The following AP2M1 variants were observed in gnomAD, a reference collection of about 807,000 sequenced individuals.
AP2M1 encodes the protein AP-2 complex subunit mu.
In AP2M1, 5 loss-of-function variants were observed where a neutral mutation model predicts 54.5. The ratio of observed to expected loss-of-function variants is 0.09; its 90% CI spans 0.05 to 0.19. The LOEUF is 0.19. Among genes scored for constraint, AP2M1 ranks in the 10% least tolerant of loss-of-function variants. The pLI, the probability that AP2M1 is intolerant of heterozygous loss-of-function variation, is 1.00. For missense variants in AP2M1, 178 were observed against 580.2 expected, an observed-to-expected ratio of 0.31 and a Z score of 7.12; for synonymous variants, 186 against 208.2, an observed-to-expected ratio of 0.89 and a Z score of 0.92.
Position 184,178,744 on chromosome 3 carries a change from G to A in AP2M1, c.75-113G>A. ...TAGGCATTGGCTTTCTTTGGAGTGT[G>A]TGTGTCAGACTTCTGCAGAAAGGAG... On this transcript the variant is annotated intron_variant, in intron 2 of 11. Coordinates refer to ENST00000292807, the MANE Select transcript of AP2M1 (RefSeq NM_004068.4). This position sits in a 1 kb window ranked among gnomAD's most constrained non-coding sequence, Gnocchi z 4.9. 7.5e-7 allele frequency: 1 copy of A among 1,330,104 alleles called. No homozygotes were observed. Among genetic ancestry groups the A allele is most frequent in the Non-Finnish European group, 1.0e-6 (1 of 965,810 alleles). 82.4% of individuals were successfully genotyped at this position (1,330,104 alleles called of 1,614,324 possible). A position where few individuals can be genotyped will look rare whatever the true frequency, so the allele number is the denominator to read the frequency against.
At position 184,183,870 on chromosome 3, in the gene AP2M1, C is replaced by T. The variant is rs1057152; in HGVS notation, c.*254C>T. On this transcript the variant is annotated 3_prime_UTR_variant, in exon 12 of 12. Transcript: ENST00000292807. This position sits in a 1 kb window ranked among gnomAD's most constrained non-coding sequence, Gnocchi z 5.7. Reference sequence around the variant, plus strand: ...GTCTGTCCTGGCCTAATGCCAGGCTCTGAGTTCTGTGACCAAAGCCAGGTG... The same window carrying T: ...GTCTGTCCTGGCCTAATGCCAGGCTTTGAGTTCTGTGACCAAAGCCAGGTG... The T allele has an allele frequency of 4.6e-6, 2 of 436,122 alleles. No individual in the cohort carries two copies. Among genetic ancestry groups the T allele is most frequent in the African/African-American group, 3.9e-5 (2 of 50,684 alleles). 27.0% of individuals were successfully genotyped at this position (436,122 alleles called of 1,614,324 possible). A position where few individuals can be genotyped will look rare whatever the true frequency, so the allele number is the denominator to read the frequency against.
At position 184,176,931 on chromosome 3, in the gene AP2M1, C is replaced by A. The variant is rs564705439; in HGVS notation, c.-43-20C>A. The A allele has an allele frequency of 1.3e-6, 2 of 1,556,470 alleles. No homozygotes were observed. Among genetic ancestry groups the A allele is most frequent in the South Asian group, 2.3e-5 (2 of 85,682 alleles). ...CAGCGATTCTGAGGTCTTCTTTTAC[C>A]CTGCCCCCGCCTGTCCTAGGTCTGT... is the stretch of plus-strand genomic sequence containing the variant. On this transcript the variant is annotated intron_variant, in intron 1 of 11. Transcript: ENST00000292807.
In AP2M1 at chr3:184,183,821, AG is replaced by A; in HGVS notation, c.*207del. 1 of 571,954 alleles carries A rather than the reference AG, an allele frequency of 1.7e-6. No homozygotes were observed. Among genetic ancestry groups the A allele is most frequent in the South Asian group, 2.0e-5 (1 of 49,582 alleles). 35.4% of individuals were successfully genotyped at this position (571,954 alleles called of 1,614,324 possible). ...GGGCTCCCTGGGCAGGGGAGTTCTG[AG>A]GCTCCTGCTCTCCCATCCACCTGTC... On this transcript the variant is annotated 3_prime_UTR_variant, in exon 12 of 12. Coordinates refer to ENST00000292807, the MANE Select transcript of AP2M1 (RefSeq NM_004068.4). The surrounding 1 kb of genome is among the most constrained non-coding windows in gnomAD (Gnocchi z 5.7).
chr3:184,176,670 G>C (rs1715083425), intron 1 of AP2M1: 1 of 440,684 alleles, frequency 2.3e-6, no homozygotes, highest in African/African-American at 2.0e-5. Context: ...CTCAGTGCTG[G>C]GGAGAGGGGG....
In AP2M1 at chr3:184,178,714, T is replaced by G; in HGVS notation, c.75-143T>G. 1 of 1,052,954 alleles carries G rather than the reference T, an allele frequency of 9.5e-7. No homozygotes were observed. Among genetic ancestry groups the G allele is most frequent in the Non-Finnish European group, 1.4e-6 (1 of 734,860 alleles). 65.2% of individuals were successfully genotyped at this position (1,052,954 alleles called of 1,614,324 possible). ...AGTCATAAGAAGGGAACCACTCCAGTGGTTTAGGCATTGGCTTTCTTTGGA... is the reference window on the plus strand; with the variant it reads ...AGTCATAAGAAGGGAACCACTCCAGGGGTTTAGGCATTGGCTTTCTTTGGA... On this transcript the variant is annotated intron_variant, in intron 2 of 11. Coordinates refer to ENST00000292807, the MANE Select transcript of AP2M1 (RefSeq NM_004068.4). This position sits in a 1 kb window ranked among gnomAD's most constrained non-coding sequence, Gnocchi z 4.9.
chr3:184,180,578 C>T lies in AP2M1; in HGVS notation c.424-67C>T, dbSNP rs1181619676. On this transcript the variant is annotated intron_variant, in intron 4 of 11. Transcript: ENST00000292807. The surrounding 1 kb of genome is among the most constrained non-coding windows in gnomAD (Gnocchi z 4.9). ...CTCCTCTAGGATCCAAGCCTCATAG[C>T]TTTCTCCTCCTTTTCTGCCTCCCTT... is the stretch of plus-strand genomic sequence containing the variant. 6.2e-7 allele frequency: 1 copy of T among 1,611,628 alleles called. No individual in the cohort carries two copies. The highest frequency in any genetic ancestry group is 1.7e-5 in the Admixed American group (1 of 59,988).
intron 3 of AP2M1, 196 bp downstream of exon 3, chr3:184,179,318 T>A: frequency 1.5e-6 from 1 of 673,978 alleles, no homozygotes; most frequent in African/African-American, 1.8e-5. Context: ...TGGTCTGAAG[T>A]AGAACACAGA....
intron 2 of AP2M1, chr3:184,177,651 C>G: frequency 1.3e-6 from 2 of 1,512,192 alleles, no homozygotes; most frequent in Non-Finnish European, 1.8e-6. Flanking sequence ...GGCAGGGAAG[C>G]CATGCTACCC....
Position 184,181,393 on chromosome 3 carries a change from G to T in AP2M1, c.707+167G>T. The T allele has an allele frequency of 2.7e-6, 3 of 1,095,496 alleles. No homozygotes were observed. The highest frequency in any genetic ancestry group is 3.9e-6 in the Non-Finnish European group (3 of 768,480). The allele number at this position is 1,095,496 out of a possible 1,614,324, so 67.9% of individuals were successfully genotyped here. A position where few individuals can be genotyped will look rare whatever the true frequency, so the allele number is the denominator to read the frequency against. ...TTGACATTAGTGCTACGAGAGATGA[G>T]GGGATCGTCCTCAGAGAGCAAGCCC... On this transcript the variant is annotated intron_variant, in intron 7 of 11. Coordinates refer to ENST00000292807, the MANE Select transcript of AP2M1 (RefSeq NM_004068.4). This position sits in a 1 kb window ranked among gnomAD's most constrained non-coding sequence, Gnocchi z 5.7.
intron 3 of AP2M1, chr3:184,179,497 T>A (rs1333702699): frequency 7.3e-6 from 2 of 273,194 alleles, no homozygotes; most frequent in Non-Finnish European, 1.4e-5. Context: ...GAGTGAGATA[T>A]TACAAGCCTC....
In AP2M1 at chr3:184,181,298, G is replaced by A. The variant is rs1715266176; in HGVS notation, c.707+72G>A. On this transcript the variant is annotated intron_variant, in intron 7 of 11. Coordinates refer to ENST00000292807, the MANE Select transcript of AP2M1 (RefSeq NM_004068.4). The surrounding 1 kb of genome is among the most constrained non-coding windows in gnomAD (Gnocchi z 5.7). ...CTCAGTGGGGTCTAGTGAACCACAA[G>A]TTTCTTCTGGATTTCATTCCCACTG... is the stretch of plus-strand genomic sequence containing the variant. 2 of 1,590,268 alleles carry A rather than the reference G, an allele frequency of 1.3e-6. No individual in the cohort carries two copies. Among genetic ancestry groups the A allele is most frequent in the Non-Finnish European group, 1.7e-6 (2 of 1,165,574 alleles).
At chr3:184,177,971 C>G (rs1361609322) in intron 2 of AP2M1, 5 of 619,188 alleles carry the variant, frequency 8.1e-6, no homozygotes, top group Non-Finnish European at 1.2e-5. Context: ...AGAGCTGCAG[C>G]TGTGGCAAGG....
chr3:184,178,832 G>A lies in AP2M1; in HGVS notation c.75-25G>A, dbSNP rs776805348. On this transcript the variant is annotated intron_variant, in intron 2 of 11. Coordinates refer to ENST00000292807, the MANE Select transcript of AP2M1 (RefSeq NM_004068.4). The surrounding 1 kb of genome is among the most constrained non-coding windows in gnomAD (Gnocchi z 4.9). ...GTAAGGTTCACCTGGGTGCTGAGCA[G>A]GCCCTATGCACTCTTTTCCCTCAGG... 1.4e-5 allele frequency: 23 copies of A among 1,611,126 alleles called. No homozygotes were observed. The highest frequency in any genetic ancestry group is 3.3e-5 in the Admixed American group (2 of 59,972).
intron 3 of AP2M1, among the ~76,000 whole-genome samples, chr3:184,179,662 C>CTTTTTTTTTTTTTTTTTTTTT (rs368749437): frequency 7.4e-6 from 1 of 135,104 alleles, no homozygotes. Context: ...GATTTCTTTT[C>CTTTTTTTTTTTTTTTTTTTTT]TTTTTTTTTT....
chr3:184,183,341 C>T lies in AP2M1; in HGVS notation c.1174-141C>T, dbSNP rs967766251. 2.0e-4 allele frequency: 264 copies of T among 1,307,002 alleles called. No homozygotes were observed. The highest frequency in any genetic ancestry group is 5.6e-4 in the Middle Eastern group (2 of 3,602). The allele number at this position is 1,307,002 out of a possible 1,614,324, so 81.0% of individuals were successfully genotyped here. ...TTCTTTAGTCACCTCTTAGAAGGTC[C>T]CACGCCGCCCCAGCTTCTTTCAGGA... On this transcript the variant is annotated intron_variant, in intron 11 of 11. Transcript: ENST00000292807. This position sits in a 1 kb window ranked among gnomAD's most constrained non-coding sequence, Gnocchi z 5.7.
intron 2 of AP2M1, chr3:184,177,548 G>A (rs766399520): frequency 7.2e-6 from 11 of 1,535,730 alleles, no homozygotes; most frequent in East Asian, 4.9e-5. Context: ...CTCAGGAGTC[G>A]TCAGGCTGCT....
At position 184,181,875 on chromosome 3, in the gene AP2M1, GTCAGC is replaced by G; in HGVS notation, c.828-34_828-30del. ...CTGGCAGACTGGGGAGAGGAAGTGG[GTCAGC>G]TCTTTGGTAACCTTGCTTCCCATCC... On this transcript the variant is annotated intron_variant, in intron 8 of 11. Coordinates refer to ENST00000292807, the MANE Select transcript of AP2M1 (RefSeq NM_004068.4). The surrounding 1 kb of genome is among the most constrained non-coding windows in gnomAD (Gnocchi z 5.7). 1 of 1,613,948 alleles carries G rather than the reference GTCAGC, an allele frequency of 6.2e-7. No individual in the cohort carries two copies. The highest frequency in any genetic ancestry group is 8.5e-7 in the Non-Finnish European group (1 of 1,179,836).
In AP2M1 at chr3:184,180,624, C is replaced by T. The variant is rs374205105; in HGVS notation, c.424-21C>T. ...CCCTTGCTGCTTCATGTGGGCACCT[C>T]GTTGGCCCTGCGGCCTCCAGCATCA... is the stretch of plus-strand genomic sequence containing the variant. On this transcript the variant is annotated intron_variant, in intron 4 of 11. Transcript: ENST00000292807. The surrounding 1 kb of genome is among the most constrained non-coding windows in gnomAD (Gnocchi z 4.9). 59 of 1,613,916 alleles carry T rather than the reference C, an allele frequency of 3.7e-5. No individual in the cohort carries two copies. Among genetic ancestry groups the T allele is most frequent in the Non-Finnish European group, 4.4e-5 (52 of 1,180,050 alleles).
chr3:184,178,815 C>A lies in AP2M1; in HGVS notation c.75-42C>A. On this transcript the variant is annotated intron_variant, in intron 2 of 11. Coordinates refer to ENST00000292807, the MANE Select transcript of AP2M1 (RefSeq NM_004068.4). The surrounding 1 kb of genome is among the most constrained non-coding windows in gnomAD (Gnocchi z 4.9). ...TGGTTGATCCTTATGGGGTAAGGTT[C>A]ACCTGGGTGCTGAGCAGGCCCTATG... 6.2e-7 allele frequency: 1 copy of A among 1,601,448 alleles called. No homozygotes were observed. The highest frequency in any genetic ancestry group is 1.1e-5 in the South Asian group (1 of 89,882).
Sources: allele counts gnomAD v4.1 joint callset (sites outside exome capture counted in the v4.1 genomes callset), GRCh38; gene constraint gnomAD v4.1.1; non-coding constraint Gnocchi (gnomAD v3.1); transcripts MANE v1.5; gene names NCBI Gene and HGNC (gene_info 2026-07-23, HGNC 2026-07-21).